IQSEC1: variants seen among roughly 807,000 people sequenced by gnomAD.
The protein encoded by IQSEC1 is IQ motif and Sec7 domain ArfGEF 1.
In IQSEC1, 31 loss-of-function variants were observed where a neutral mutation model predicts 91.0. The ratio of observed to expected loss-of-function variants is 0.34; its 90% CI spans 0.26 to 0.46. IQSEC1 has a LOEUF of 0.46. Among genes scored for constraint, IQSEC1 ranks in the 20% least tolerant of loss-of-function variants. The pLI is 1.00. For missense variants in IQSEC1, 1,388 were observed against 1,575.6 expected, an observed-to-expected ratio of 0.88 and a Z score of 2.02; for synonymous variants, 699 against 662.6, an observed-to-expected ratio of 1.05 and a Z score of -0.84.
chr3:13,138,414 C>A (rs1166719455), intron 2 of IQSEC1, among the ~76,000 whole-genome samples: 1 of 152,034 alleles, frequency 6.6e-6, no homozygotes, highest in African/African-American at 2.4e-5. Context: ...GACCCTGATG[C>A]CCCATGTGGA....
intron 1 of IQSEC1, among the ~76,000 whole-genome samples, chr3:13,049,457 C>G (rs1398159832): frequency 6.6e-6 from 1 of 152,222 alleles, no homozygotes; most frequent in East Asian, 1.9e-4. Context: ...TTCCCACACA[C>G]TTCATCCGAC....
At chr3:13,228,839 C>T (rs935634560) in intron 1 of IQSEC1, among the ~76,000 whole-genome samples, 3 of 152,238 alleles carry the variant, frequency 2.0e-5, no homozygotes, top group African/African-American at 7.2e-5. Flanking sequence ...GACAGGATCC[C>T]TTCAGGACTT....
At chr3:13,138,467 C>A (rs1003170807) in intron 2 of IQSEC1, among the ~76,000 whole-genome samples, 1 of 152,242 alleles carries the variant, frequency 6.6e-6, no homozygotes, top group South Asian at 2.1e-4. Flanking sequence ...CTCCCGTCAC[C>A]TGAAGCCGGC....
chr3:13,165,579 T>G (rs1011938925), intron 1 of IQSEC1, among the ~76,000 whole-genome samples: 2 of 75,242 alleles, frequency 2.7e-5, no homozygotes, highest in African/African-American at 1.1e-4. Flanking sequence ...TGTGTGTGTG[T>G]GTCTGTCTGT....
In IQSEC1 at chr3:12,901,192, G is replaced by A. The variant is rs770530582; in HGVS notation, c.3136C>T (p.His1046Tyr). 6.5e-7 allele frequency: 1 copy of A among 1,543,570 alleles called. No homozygotes were observed. The highest frequency in any genetic ancestry group is 2.4e-5 in the East Asian group (1 of 40,892). Residue 1046 changes from histidine (H) to tyrosine (Y), a missense_variant, in exon 14 of 14, where the codon CAC becomes TAC. Transcript: ENST00000613206. The part of the protein sequence containing the change: ...NPPPYHHHHH[H>Y]HPPQHIQHAH... ...TGCTGGATGTGCTGGGGTGGGTGGT[G>A]GTGGTGGTGATGGTGGTACGGGGGA...
chr3:12,901,292 G>C lies in IQSEC1; in HGVS notation c.3036C>G (p.His1012Gln). The change falls in exon 14 of 14, where the codon CAC becomes CAG. Residue 1012 changes from histidine (H) to glutamine (Q), a missense_variant. Around this residue, in one of 2 missense-constraint regions of IQSEC1, gnomAD observed 329 missense variants for 257.8 expected, o/e 1.28. Transcript: ENST00000613206. ...GCGGCAGCCCCTCTGGGGGCCCCAG[G>C]TGGTGGCCAGCCACAGAGTGCTGCA... Reference protein sequence around the residue: ...PHLQHSVAGHHLGPPEGLPQA... With the variant: ...PHLQHSVAGHQLGPPEGLPQA... 6.5e-7 allele frequency: 1 copy of C among 1,547,010 alleles called. No homozygotes were observed. Among genetic ancestry groups the C allele is most frequent in the South Asian group, 1.2e-5 (1 of 83,982 alleles).
chr3:12,991,879 A>AGGCAG (rs60191898), intron 1 of IQSEC1, among the ~76,000 whole-genome samples: 25,606 of 152,010 alleles, frequency 0.17, 2,315 homozygotes, highest in African/African-American at 0.24. Context: ...GGCATGGGAC[A>AGGCAG]GGCAGGGCAG....
intron 1 of IQSEC1, among the ~76,000 whole-genome samples, chr3:13,254,322 A>C (rs1413242285): frequency 6.6e-6 from 1 of 152,214 alleles, no homozygotes; most frequent in Non-Finnish European, 1.5e-5. Flanking sequence ...GGAGGTGCCC[A>C]GGCTGGACAC....
At chr3:13,123,551 G>C (rs1036535798) in intron 2 of IQSEC1, among the ~76,000 whole-genome samples, 4 of 152,186 alleles carry the variant, frequency 2.6e-5, no homozygotes, top group African/African-American at 9.7e-5. Context: ...TGGAAAATTT[G>C]GCCAGCATTG....
At chr3:12,947,877 A>G (rs1380977944) in intron 1 of IQSEC1, among the ~76,000 whole-genome samples, 1 of 152,166 alleles carries the variant, frequency 6.6e-6, no homozygotes, top group Non-Finnish European at 1.5e-5. Flanking sequence ...TGGAAGTGGT[A>G]TGTGGTGTTT....
At position 12,941,811 on chromosome 3, in the gene IQSEC1, T is replaced by C. The variant is rs1376694258; in HGVS notation, c.78A>G (p.Ser26=). The change falls in exon 2 of 14, where the codon TCA becomes TCG. Residue 26 remains serine, a synonymous_variant. Coordinates refer to ENST00000613206, the MANE Select transcript of IQSEC1 (RefSeq NM_001134382.3). ...GCACCAAGGGGCCCTGGGGGTAGGCTGAGGGGCTGTCCAGGGATGTGCCAG... is the reference window on the plus strand; with the variant it reads ...GCACCAAGGGGCCCTGGGGGTAGGCCGAGGGGCTGTCCAGGGATGTGCCAG... ...SETGTSLDSP[S]AYPQGPLVPG... The C allele has an allele frequency of 3.1e-6, 5 of 1,610,074 alleles. No individual in the cohort carries two copies. The highest frequency in any genetic ancestry group is 1.1e-5 in the South Asian group (1 of 90,688).
chr3:13,003,613 T>C (rs918147078), intron 1 of IQSEC1, among the ~76,000 whole-genome samples: 1 of 152,234 alleles, frequency 6.6e-6, no homozygotes, highest in Admixed American at 6.5e-5. Context: ...TGAGTGAATT[T>C]CATAGAGTAA....
At chr3:13,281,233 C>T (rs575376268) in intron 1 of IQSEC1, among the ~76,000 whole-genome samples, 2 of 152,272 alleles carry the variant, frequency 1.3e-5, no homozygotes, top group African/African-American at 4.8e-5. Context: ...AGAAAGGGCC[C>T]GGGCCCCTGT....
At chr3:13,233,893 A>G (rs1694876018) in intron 1 of IQSEC1, among the ~76,000 whole-genome samples, 2 of 152,246 alleles carry the variant, frequency 1.3e-5, no homozygotes, top group South Asian at 4.1e-4. Context: ...TAATTCTAGT[A>G]CCCAGAACCC....
intron 1 of IQSEC1, among the ~76,000 whole-genome samples, chr3:12,973,885 A>G (rs137861253): frequency 1.8e-3 from 275 of 152,220 alleles, no homozygotes; most frequent in African/African-American, 6.4e-3. Context: ...GACACATCCA[A>G]GAACTGGTTA....
At chr3:13,014,366 C>A (rs746226454) in intron 1 of IQSEC1, among the ~76,000 whole-genome samples, 7 of 152,206 alleles carry the variant, frequency 4.6e-5, no homozygotes, top group Non-Finnish European at 1.0e-4. Flanking sequence ...GAAACCCAGG[C>A]CCAGAGATGT....
chr3:13,105,202 C>T (rs747493946), intron 2 of IQSEC1, among the ~76,000 whole-genome samples: 5 of 152,166 alleles, frequency 3.3e-5, no homozygotes, highest in Non-Finnish European at 7.3e-5. Context: ...CTCCAACACC[C>T]TCTACTCAGA....
intron 1 of IQSEC1, among the ~76,000 whole-genome samples, chr3:12,986,405 G>C (rs56786349): frequency 0.012 from 1,835 of 152,354 alleles, 15 homozygotes; most frequent in Non-Finnish European, 0.019. Flanking sequence ...GGGTCACACA[G>C]GCAGACTACT....
At chr3:12,902,681 A>C (rs1575836649) in intron 13 of IQSEC1, 92 bp downstream of exon 13, 6 of 629,086 alleles carry the variant, frequency 9.5e-6, no homozygotes, top group Admixed American at 3.2e-5. Context: ...AAAAAAAAAA[A>C]AAAAAAAAAA....
Sources: gnomAD v4.1 joint callset for allele counts (sites outside exome capture counted in the v4.1 genomes callset) on GRCh38, gnomAD v4.1.1 for gene constraint, gnomAD v4.1.1 regional missense constraint, MANE v1.5 for transcripts, NCBI Gene and HGNC (gene_info 2026-07-23, HGNC 2026-07-21) for gene names.